The following CFAP70 variants were observed in gnomAD, a reference collection of about 807,000 sequenced individuals.
The protein encoded by CFAP70 is cilia and flagella associated protein 70.
A neutral mutation model predicts 137.6 loss-of-function variants in CFAP70; 81 were observed. That is an observed-to-expected ratio of 0.59 (90% CI 0.49 to 0.71). The LOEUF is 0.71. Among genes scored for constraint, CFAP70 ranks in the 30% least tolerant of loss-of-function variants. The pLI, the probability that CFAP70 is intolerant of heterozygous loss-of-function variation, is 0.00. For synonymous variants in CFAP70, 382 were observed against 423.6 expected (o/e 0.90, Z 1.20); for missense variants, 976 against 1,226.7 (o/e 0.80, Z 3.05).
At chr10:73,303,686 G>A (rs2049140067) in intron 12 of CFAP70, among the ~76,000 whole-genome samples, 2 of 151,980 alleles carry the variant, frequency 1.3e-5, no homozygotes, top group East Asian at 1.9e-4. Flanking sequence ...ACTATATAGA[G>A]TACTTTATGT....
chr10:73,304,808 G>A (rs188965518), intron 12 of CFAP70, among the ~76,000 whole-genome samples: 93 of 151,504 alleles, frequency 6.1e-4, no homozygotes, highest in Admixed American at 5.9e-4. Flanking sequence ...CAAAACGACC[G>A]GGCAGGTAAC....
intron 15 of CFAP70, chr10:73,295,462 A>T (rs2048483486): frequency 6.6e-6 from 1 of 152,166 alleles, no homozygotes; most frequent in Admixed American, 6.5e-5. Context: ...TTCCTTCGTC[A>T]TCCAACTTGA....
chr10:73,299,092 C>A, exon 14 of CFAP70: 1 of 1,607,426 alleles, frequency 6.2e-7, no homozygotes, highest in Non-Finnish European at 8.5e-7. Flanking sequence ...ATGTGGTAGT[C>A]ACTCACTGCC....
intron 25 of CFAP70, among the ~76,000 whole-genome samples, chr10:73,267,169 T>C (rs2045856020): frequency 6.6e-6 from 1 of 152,236 alleles, no homozygotes; most frequent in Non-Finnish European, 1.5e-5. Flanking sequence ...CTCAAAATTC[T>C]ACAGGTAATT....
Position 73,299,670 on chromosome 10 carries a change from A to G in CFAP70, c.1257-5T>C. On this transcript the variant is annotated splice_polypyrimidine_tract_variant and splice_region_variant and intron_variant, in intron 12 of 26. Transcript: ENST00000310715. The stretch of plus-strand genomic sequence containing the variant: ...GGAGGAATCATTTCCTTGACCCTGT[A>G]TCAGGAAAGAAAAAAAATAAAAAAA... 1 of 1,607,200 alleles carries G rather than the reference A, an allele frequency of 6.2e-7. No individual in the cohort carries two copies. Among genetic ancestry groups the G allele is most frequent in the Non-Finnish European group, 8.5e-7 (1 of 1,177,164 alleles).
intron 7 of CFAP70, among the ~76,000 whole-genome samples, chr10:73,334,624 G>T (rs955227969): frequency 6.6e-6 from 1 of 150,870 alleles, no homozygotes; most frequent in Non-Finnish European, 1.5e-5. Flanking sequence ...TCTGTCGCCA[G>T]GCTGGAATGC....
intron 6 of CFAP70, among the ~76,000 whole-genome samples, chr10:73,340,709 T>C (rs1330141339): frequency 6.6e-6 from 1 of 152,206 alleles, no homozygotes; most frequent in Non-Finnish European, 1.5e-5. Context: ...AGGGGGTTGG[T>C]GTGTCAGCAC....
intron 25 of CFAP70, among the ~76,000 whole-genome samples, chr10:73,262,023 T>TTATATATG (rs59266646): frequency 3.4e-5 from 5 of 145,516 alleles, no homozygotes; most frequent in Non-Finnish European, 7.5e-5. Flanking sequence ...TATGTATATA[T>TTATATATG]TATATATGTA....
chr10:73,269,620 G>A, exon 25 of CFAP70: 2 of 1,611,226 alleles, frequency 1.2e-6, no homozygotes, highest in Non-Finnish European at 1.7e-6. Context: ...TCACTTTCAG[G>A]CAGACCAGAG....
intron 9 of CFAP70, among the ~76,000 whole-genome samples, chr10:73,314,747 C>A (rs2050196087): frequency 6.6e-6 from 1 of 151,988 alleles, no homozygotes; most frequent in Non-Finnish European, 1.5e-5. Context: ...AGCTGGGACA[C>A]AGGCACATGC....
exon 6 of CFAP70, chr10:73,341,571 G>T (rs1421013437): frequency 1.9e-6 from 3 of 1,613,478 alleles, no homozygotes; most frequent in East Asian, 2.2e-5. Flanking sequence ...AAATAAAATG[G>T]GATAGTCCTT....
rs936020218 is a variant in CFAP70 at position 73,318,071 on chromosome 10, G to A, written c.912+4892C>T. 2.6e-5 allele frequency among the ~76,000 whole-genome samples: 4 copies of A among 152,098 alleles called. No individual in the cohort carries two copies. The East Asian group carries it at 7.7e-4, about 29-fold the overall frequency. On this transcript the variant is annotated intron_variant, in intron 9 of 26. Transcript: ENST00000310715. ...ATGAGACAGAGTAGCGATGGGGCTT[G>A]GCATTCAGCTCACCCCCACTGGATC...
chr10:73,327,487 G>A (rs61865825), intron 8 of CFAP70, among the ~76,000 whole-genome samples: 1,586 of 151,992 alleles, frequency 0.01, 24 homozygotes, highest in Non-Finnish European at 0.013. Context: ...TTTCTGGCCA[G>A]GGCAATTAGG....
chr10:73,327,832 TA>T lies in CFAP70; in HGVS notation c.777+3344del, dbSNP rs2051629612. Among the ~76,000 whole-genome samples, 3 of 151,972 alleles carry T rather than the reference TA, an allele frequency of 2.0e-5. No homozygotes were observed. The South Asian group carries it at 6.2e-4, about 32-fold the overall frequency. On this transcript the variant is annotated intron_variant, in intron 8 of 26. Transcript: ENST00000310715. Reference sequence around the variant, plus strand: ...AACTACAAACCACTGCTCAACAAAATAAAAGAGGATACAAAGAAATGGAAGA... The same window carrying T: ...AACTACAAACCACTGCTCAACAAAATAAAGAGGATACAAAGAAATGGAAGA...
chr10:73,361,515 C>A (rs76761719), upstream of CFAP70, among the ~76,000 whole-genome samples: 7,209 of 151,928 alleles, frequency 0.047, 519 homozygotes, highest in African/African-American at 0.16. Context: ...AAAACATCCA[C>A]TTGTGTATGG....
intron 19 of CFAP70, among the ~76,000 whole-genome samples, chr10:73,287,422 T>C (rs1455074073): frequency 6.6e-6 from 1 of 152,240 alleles, no homozygotes; most frequent in Non-Finnish European, 1.5e-5. Flanking sequence ...CGTTATGTGG[T>C]ACATGACCAC....
chr10:73,331,789 G>A (rs186508058), intron 7 of CFAP70, among the ~76,000 whole-genome samples: 173 of 152,194 alleles, frequency 1.1e-3, no homozygotes, highest in African/African-American at 4.0e-3. Context: ...ACTGAACATT[G>A]TTAGAGCAAT....
upstream of CFAP70, among the ~76,000 whole-genome samples, chr10:73,360,703 CTGAG>C (rs2054973612): frequency 6.6e-6 from 1 of 152,164 alleles, no homozygotes; most frequent in Non-Finnish European, 1.5e-5. Context: ...TGTGGCACTA[CTGAG>C]TAAGGATTTC....
intron 19 of CFAP70, among the ~76,000 whole-genome samples, chr10:73,290,338 C>A (rs2048082926): frequency 6.6e-6 from 1 of 152,004 alleles, no homozygotes; most frequent in African/African-American, 2.4e-5. Flanking sequence ...TTCAAAAATT[C>A]TAGAAAATGC....
Sources: allele counts gnomAD v4.1 joint callset (sites outside exome capture counted in the v4.1 genomes callset), GRCh38; gene constraint gnomAD v4.1.1; transcripts MANE v1.5; gene names NCBI Gene and HGNC (gene_info 2026-07-23, HGNC 2026-07-21).